The following ATP8A2 variants were observed in gnomAD, a reference collection of about 807,000 sequenced individuals.
The protein encoded by ATP8A2 is ATPase phospholipid transporting 8A2.
A neutral mutation model predicts 165.6 loss-of-function variants in ATP8A2; 100 were observed. The observed-to-expected ratio is 0.60, with a 90% CI of 0.51 to 0.71. The LOEUF (loss-of-function observed/expected upper bound fraction) is 0.71. Among genes scored for constraint, ATP8A2 ranks in the 30% least tolerant of loss-of-function variants. The pLI, the probability that ATP8A2 is intolerant of heterozygous loss-of-function variation, is 0.00. For missense variants in ATP8A2, 1,227 were observed against 1,479.5 expected (o/e 0.83, Z 2.80); for synonymous variants, 543 against 548.8 (o/e 0.99, Z 0.15).
At chr13:25,478,021 A>G (rs2137563007) in intron 2 of ATP8A2, among the ~76,000 whole-genome samples, 1 of 152,126 alleles carries the variant, frequency 6.6e-6, no homozygotes, top group African/African-American at 2.4e-5. Context: ...GAAATGCTAA[A>G]CTCTTGTTTT....
At chr13:25,747,198 A>G (rs1453104666) in intron 25 of ATP8A2, among the ~76,000 whole-genome samples, 2 of 152,220 alleles carry the variant, frequency 1.3e-5, no homozygotes, top group Non-Finnish European at 2.9e-5. Flanking sequence ...GGTCTACCTT[A>G]GCTACAATTC....
At chr13:25,957,408 C>T (rs9507611) in intron 33 of ATP8A2, among the ~76,000 whole-genome samples, 34,036 of 152,044 alleles carry the variant, frequency 0.22, 3,968 homozygotes, top group South Asian at 0.41. Context: ...GGAACTTAAA[C>T]AAATTTACAA....
At chr13:25,867,072 A>T (rs1952526984) in intron 33 of ATP8A2, among the ~76,000 whole-genome samples, 5 of 151,718 alleles carry the variant, frequency 3.3e-5, no homozygotes, top group Admixed American at 3.3e-4. Context: ...ACTTCAAAGC[A>T]TACAATCTGC....
chr13:25,399,868 T>A (rs1203327355), intron 1 of ATP8A2, among the ~76,000 whole-genome samples: 1 of 150,354 alleles, frequency 6.7e-6, no homozygotes, highest in African/African-American at 2.5e-5. Flanking sequence ...TTTCATCTTC[T>A]TCTTCTTCCT....
rs536172064 is a variant in ATP8A2, at chr13:25,665,144, G to T, written c.2212-34029G>T. Among the ~76,000 whole-genome samples, 17 of 152,274 alleles carry T rather than the reference G, an allele frequency of 1.1e-4. No individual in the cohort carries two copies. In the East Asian group the frequency reaches 2.7e-3, roughly 24 times the overall value. On this transcript the variant is annotated intron_variant, in intron 24 of 36. Transcript: ENST00000381655. ...AGGCGGAGGTCCCCGTGCACAGTGTGGTGCAGCAGTGAACCCAAGATTTTC... is the reference window on the plus strand; with the variant it reads ...AGGCGGAGGTCCCCGTGCACAGTGTTGTGCAGCAGTGAACCCAAGATTTTC...
chr13:25,831,065 A>G (rs565657204), intron 28 of ATP8A2, among the ~76,000 whole-genome samples: 1 of 152,138 alleles, frequency 6.6e-6, no homozygotes, highest in African/African-American at 2.4e-5. Flanking sequence ...TGTGGAAGGC[A>G]TTTGCTAGTG....
intron 1 of ATP8A2, among the ~76,000 whole-genome samples, chr13:25,426,168 A>G (rs1233958644): frequency 1.3e-5 from 2 of 152,152 alleles, no homozygotes; most frequent in Admixed American, 6.5e-5. Flanking sequence ...ATTTATAGAT[A>G]AAAGAGGTTT....
intron 34 of ATP8A2, among the ~76,000 whole-genome samples, chr13:25,964,584 A>C (rs1398048739): frequency 5.9e-5 from 9 of 152,226 alleles, no homozygotes; most frequent in Non-Finnish European, 1.3e-4. Context: ...CATGCACTGA[A>C]CAAAAATATT....
At chr13:25,379,628 A>G (rs2137918778) in intron 1 of ATP8A2, among the ~76,000 whole-genome samples, 2 of 152,328 alleles carry the variant, frequency 1.3e-5, no homozygotes, top group Middle Eastern at 6.8e-3. Context: ...AGGAAACATA[A>G]CATTGGTTTT....
At chr13:25,744,586 A>G (rs1480662126) in intron 25 of ATP8A2, among the ~76,000 whole-genome samples, 1 of 152,210 alleles carries the variant, frequency 6.6e-6, no homozygotes, top group African/African-American at 2.4e-5. Context: ...TTAGGAAGTA[A>G]TAGTGGGCTG....
At chr13:25,760,498 A>G (rs2044359796) in intron 25 of ATP8A2, among the ~76,000 whole-genome samples, 1 of 152,184 alleles carries the variant, frequency 6.6e-6, no homozygotes, top group African/African-American at 2.4e-5. Context: ...AGGACTTAAC[A>G]TCCAACGTAA....
chr13:25,857,570 C>CT (rs71080207), intron 30 of ATP8A2, among the ~76,000 whole-genome samples: 6,016 of 91,610 alleles, frequency 0.066, 375 homozygotes, highest in East Asian at 0.16. Flanking sequence ...CTTTTTTTTC[C>CT]TTTTTTTTTT....
intron 2 of ATP8A2, among the ~76,000 whole-genome samples, chr13:25,490,310 G>A (rs557854665): frequency 2.2e-4 from 34 of 152,314 alleles, no homozygotes; most frequent in Non-Finnish European, 4.7e-4. Flanking sequence ...GGCTAGCCCC[G>A]TATAGCTTTA....
In ATP8A2 at chr13:25,530,481, G is replaced by A. The variant is rs1368086497; in HGVS notation, c.322-81G>A. 4.1e-5 allele frequency: 32 copies of A among 789,248 alleles called. No individual in the cohort carries two copies. The Admixed American group carries it at 4.8e-4, about 12-fold the overall frequency. The allele number at this position is 789,248 out of a possible 1,614,324, so 48.9% of individuals were successfully genotyped here. On this transcript the variant is annotated intron_variant, in intron 3 of 36. Coordinates refer to ENST00000381655, the MANE Select transcript of ATP8A2 (RefSeq NM_016529.6). ...GAACAGAACTGCAAAAGTGTGAAACGTACGTGACTGCCGTAATTTTCTGTT... is the reference window on the plus strand; with the variant it reads ...GAACAGAACTGCAAAAGTGTGAAACATACGTGACTGCCGTAATTTTCTGTT...
At chr13:25,710,422 C>T (rs888062911) in intron 25 of ATP8A2, among the ~76,000 whole-genome samples, 1 of 152,226 alleles carries the variant, frequency 6.6e-6, no homozygotes. Context: ...TATCTCCCAT[C>T]CTCACCACTG....
chr13:25,579,952 C>T lies in ATP8A2; in HGVS notation c.2007+5C>T. 1 of 1,613,846 alleles carries T rather than the reference C, an allele frequency of 6.2e-7. No homozygotes were observed. Among genetic ancestry groups the T allele is most frequent in the Non-Finnish European group, 8.5e-7 (1 of 1,179,884 alleles). On this transcript the variant is annotated splice_donor_5th_base_variant and intron_variant, in intron 22 of 36. Coordinates refer to ENST00000381655, the MANE Select transcript of ATP8A2 (RefSeq NM_016529.6). ...TGTTACGAGATCATTGAGAAGGTAA[C>T]CGCACACAATACAGTCTTTTCAGCT...
intron 24 of ATP8A2, among the ~76,000 whole-genome samples, chr13:25,679,602 A>T (rs2042441185): frequency 6.6e-6 from 1 of 152,226 alleles, no homozygotes; most frequent in African/African-American, 2.4e-5. Context: ...TAGGGATTGT[A>T]TTAATCTTGT....
intron 25 of ATP8A2, among the ~76,000 whole-genome samples, chr13:25,732,414 A>G (rs2043671874): frequency 6.6e-6 from 1 of 152,226 alleles, no homozygotes; most frequent in Non-Finnish European, 1.5e-5. Context: ...GGTAGTGGCC[A>G]TGTGAGCTCC....
At chr13:25,504,010 T>A (rs1405255097) in intron 2 of ATP8A2, among the ~76,000 whole-genome samples, 1 of 152,196 alleles carries the variant, frequency 6.6e-6, no homozygotes, top group East Asian at 1.9e-4. Context: ...ATGTCTGAAC[T>A]CCTCGAGCTG....
Sources: gnomAD v4.1 joint callset for allele counts (sites outside exome capture counted in the v4.1 genomes callset) on GRCh38, gnomAD v4.1.1 for gene constraint, MANE v1.5 for transcripts, NCBI Gene and HGNC (gene_info 2026-07-23, HGNC 2026-07-21) for gene names.